FBXL20: variants seen among roughly 807,000 people sequenced by gnomAD.
FBXL20 encodes the protein F-box and leucine rich repeat protein 20.
In FBXL20, 11 loss-of-function variants were observed where a neutral mutation model predicts 64.0. The observed-to-expected ratio is 0.17, with a 90% CI of 0.11 to 0.28. The LOEUF is 0.28. FBXL20 is among the 10% of genes least tolerant of loss of function. The pLI is 1.00. For synonymous variants in FBXL20, 184 were observed against 189.0 expected (o/e 0.97, Z 0.22); for missense variants, 303 against 526.2 (o/e 0.58, Z 4.15).
chr17:39,368,245 A>G (rs1597824229), intron 1 of FBXL20, among the ~76,000 whole-genome samples: 1 of 152,270 alleles, frequency 6.6e-6, no homozygotes, highest in East Asian at 1.9e-4. Context: ...AAATAAAATT[A>G]CACAGGCACA....
At chr17:39,402,371 C>A, upstream of FBXL20, 2 of 467,460 alleles carry the variant, frequency 4.3e-6, no homozygotes, top group Non-Finnish European at 6.9e-6. Context: ...CGGGGCCGGA[C>A]GCTTGTCTCC....
Position 39,302,239 on chromosome 17 carries a change from T to C in FBXL20, c.160-1164A>G, listed in dbSNP as rs117660770. On this transcript the variant is annotated intron_variant, in intron 3 of 14. Transcript: ENST00000264658. ...AATATATGTATTTCTTGAGACACGG[T>C]GTCACTGTCACCTGGGATGGAGTGC... is the stretch of plus-strand genomic sequence containing the variant. Among the ~76,000 whole-genome samples, 993 of 152,132 alleles carry C rather than the reference T, an allele frequency of 6.5e-3. 9 individuals are homozygous for C. The highest frequency in any genetic ancestry group is 7.3e-3 in the Non-Finnish European group (496 of 67,996).
At chr17:39,389,234 G>A (rs2048112975) in intron 1 of FBXL20, among the ~76,000 whole-genome samples, 1 of 151,550 alleles carries the variant, frequency 6.6e-6, no homozygotes, top group African/African-American at 2.4e-5. Flanking sequence ...TACTATTCAT[G>A]ATAATGTACA....
intron 1 of FBXL20, among the ~76,000 whole-genome samples, chr17:39,369,489 C>T (rs2047893988): frequency 6.6e-6 from 1 of 151,758 alleles, no homozygotes; most frequent in African/African-American, 2.4e-5. Context: ...CTCCTGACCT[C>T]GTGATCTGCC....
At chr17:39,327,144 CCA>C in intron 2 of FBXL20, among the ~76,000 whole-genome samples, 1 of 152,212 alleles carries the variant, frequency 6.6e-6, no homozygotes, top group South Asian at 2.1e-4. Context: ...CCTTGGCCTC[CCA>C]AAGTGCTGGG....
chr17:39,339,707 ACGTGAT>A (rs952039469), intron 2 of FBXL20, among the ~76,000 whole-genome samples: 5 of 151,736 alleles, frequency 3.3e-5, no homozygotes, highest in African/African-American at 1.2e-4. Context: ...GTGCAGTGGC[ACGTGAT>A]CTCAGCTCAC....
At chr17:39,365,779 G>T (rs1438847203) in intron 1 of FBXL20, among the ~76,000 whole-genome samples, 2 of 152,124 alleles carry the variant, frequency 1.3e-5, no homozygotes, top group East Asian at 3.8e-4. Context: ...ATCTCATGTT[G>T]AACTGGTGCT....
At chr17:39,357,884 T>C (rs2047757795) in intron 1 of FBXL20, among the ~76,000 whole-genome samples, 1 of 152,212 alleles carries the variant, frequency 6.6e-6, no homozygotes, top group Non-Finnish European at 1.5e-5. Context: ...TAACAAATTC[T>C]CTCAGTATTT....
intron 2 of FBXL20, among the ~76,000 whole-genome samples, chr17:39,342,495 C>G (rs2047592342): frequency 6.6e-6 from 1 of 151,936 alleles, no homozygotes; most frequent in Non-Finnish European, 1.5e-5. Flanking sequence ...GTAGGCAGAT[C>G]ACGAGGTCAG....
rs149676350 is a variant in FBXL20 at position 39,286,752 on chromosome 17, T to C, written c.399-1179A>G. 4.6e-5 allele frequency among the ~76,000 whole-genome samples: 7 copies of C among 151,462 alleles called. No individual in the cohort carries two copies. The South Asian group carries it at 1.5e-3, about 32-fold the overall frequency. Reference sequence around the variant, plus strand: ...GGCGGAGGTTGCAGCGAGCCAAGATTGCACCATTGCACTCCAGCCTGGGCA... The same window carrying C: ...GGCGGAGGTTGCAGCGAGCCAAGATCGCACCATTGCACTCCAGCCTGGGCA... On this transcript the variant is annotated intron_variant, in intron 6 of 14. Coordinates refer to ENST00000264658, the MANE Select transcript of FBXL20 (RefSeq NM_032875.3).
At chr17:39,317,681 TTTTTTTTGTTTTTTTTTTTG>T (rs1310754893) in intron 2 of FBXL20, among the ~76,000 whole-genome samples, 3 of 65,290 alleles carry the variant, frequency 4.6e-5, no homozygotes, top group African/African-American at 4.0e-4. Flanking sequence ...GACTTTGTTT[TTTTTTTTGTTTTTTTTTTTG>T]TTTTTTTTTT....
At chr17:39,402,082 G>A (rs1470839162), upstream of FBXL20, 12 of 1,124,232 alleles carry the variant, frequency 1.1e-5, no homozygotes, top group Non-Finnish European at 1.3e-5. Context: ...GCCTCTGCCC[G>A]CGCCCGTCGC....
intron 1 of FBXL20, among the ~76,000 whole-genome samples, chr17:39,354,084 T>C (rs1408980734): frequency 1.3e-5 from 2 of 152,152 alleles, no homozygotes; most frequent in Non-Finnish European, 2.9e-5. Context: ...CACAGAAATT[T>C]TAAAGGTACA....
At chr17:39,277,615 A>G (rs1597769793) in intron 9 of FBXL20, among the ~76,000 whole-genome samples, 2 of 151,878 alleles carry the variant, frequency 1.3e-5, no homozygotes, top group African/African-American at 2.4e-5. Flanking sequence ...TTAGCCAGAC[A>G]TGGTGTCACG....
Position 39,253,371 on chromosome 17 carries a change from G to GA in FBXL20, c.*8088dup, listed in dbSNP as rs1356293235. 1.3e-5 allele frequency: 2 copies of GA among 152,320 alleles called. No homozygotes were observed. The highest frequency in any genetic ancestry group is 3.7e-4 in the East Asian group (2 of 5,338). The allele number at this position is 152,320 out of a possible 1,614,324, so 9.4% of individuals were successfully genotyped here. ...GGTTACCTGGAAACAATTCCTAGGA[G>GA]AAAAAAGGAGGAGGCCAGAGTAGGA... On this transcript the variant is annotated 3_prime_UTR_variant, in exon 15 of 15. Transcript: ENST00000264658.
intron 9 of FBXL20, among the ~76,000 whole-genome samples, chr17:39,279,946 C>T (rs1320808278): frequency 3.3e-5 from 5 of 151,854 alleles, no homozygotes; most frequent in Non-Finnish European, 5.9e-5. Flanking sequence ...TTTGGGAGGC[C>T]GAGGCAGGCA....
intron 1 of FBXL20, among the ~76,000 whole-genome samples, chr17:39,352,050 C>A (rs190037382): frequency 1.0e-3 from 157 of 152,278 alleles, no homozygotes; most frequent in Non-Finnish European, 1.9e-3. Context: ...TGTGCACGCG[C>A]GTGCACGCTA....
At chr17:39,388,207 A>C (rs2048100676) in intron 1 of FBXL20, among the ~76,000 whole-genome samples, 1 of 152,136 alleles carries the variant, frequency 6.6e-6, no homozygotes, top group Non-Finnish European at 1.5e-5. Flanking sequence ...GTGTAATCCC[A>C]GCACTTTGGG....
At chr17:39,294,656 G>C (rs1040904804) in intron 6 of FBXL20, among the ~76,000 whole-genome samples, 6 of 152,110 alleles carry the variant, frequency 3.9e-5, no homozygotes, top group Non-Finnish European at 8.8e-5. Flanking sequence ...GTGGAAATTT[G>C]AATATTGACA....
Sources: allele counts gnomAD v4.1 joint callset (sites outside exome capture counted in the v4.1 genomes callset), GRCh38; gene constraint gnomAD v4.1.1; transcripts MANE v1.5; gene names NCBI Gene and HGNC (gene_info 2026-07-23, HGNC 2026-07-21).